Variants in MOXD1 observed in about 807,000 individuals in gnomAD.
MOXD1 encodes DBH-like monooxygenase protein 1.
In MOXD1, 62 loss-of-function variants were observed where a neutral mutation model predicts 66.6. The ratio of observed to expected loss-of-function variants is 0.93; its 90% CI spans 0.76 to 1.15. The LOEUF (loss-of-function observed/expected upper bound fraction) is 1.15. Among genes scored for constraint, MOXD1 ranks in the 50% most tolerant of loss-of-function variants. MOXD1 has a pLI of 0.00. For synonymous variants in MOXD1, 303 were observed against 281.9 expected (o/e 1.07, Z -0.75); for missense variants, 847 against 754.6 (o/e 1.12, Z -1.44).
intron 1 of MOXD1, among the ~76,000 whole-genome samples, chr6:132,382,429 T>C (rs1254138927): frequency 6.6e-6 from 1 of 152,174 alleles, no homozygotes; most frequent in Non-Finnish European, 1.5e-5. Flanking sequence ...CTCTCAGTCA[T>C]ATTCTAATTC....
intron 10 of MOXD1, among the ~76,000 whole-genome samples, chr6:132,307,058 T>G (rs1037696000): frequency 6.6e-6 from 1 of 152,106 alleles, no homozygotes; most frequent in Admixed American, 6.5e-5. Context: ...AGGCCCCAAT[T>G]AAAAGACACA....
At position 132,372,845 on chromosome 6, in the gene MOXD1, A is replaced by G. The variant is rs1168270987; in HGVS notation, c.564T>C (p.Asp188=). The change falls in exon 3 of 12, where the codon GAT becomes GAC. Residue 188 remains aspartate (D), a synonymous_variant. Coordinates refer to ENST00000367963, the MANE Select transcript of MOXD1 (RefSeq NM_015529.4). ...SVLSTALPYF[D]LVNQDVPIPN... ...AAACACTTACGTCCTGATTTACCAG[A>G]TCAAAGTATGGTAAGGCTGTAGATA... 6.7e-5 allele frequency: 108 copies of G among 1,613,878 alleles called. 1 individual carries two copies. Among genetic ancestry groups the G allele is most frequent in the Non-Finnish European group, 8.9e-5 (105 of 1,179,878 alleles).
intron 1 of MOXD1, among the ~76,000 whole-genome samples, chr6:132,385,493 TTATTATTA>T (rs1181086787): frequency 2.3e-4 from 33 of 143,372 alleles, no homozygotes; most frequent in South Asian, 1.6e-3. Flanking sequence ...ATTATTATTA[TTATTATTA>T]GAGACACAGT....
In MOXD1 at chr6:132,320,662, GC is replaced by G; in HGVS notation, c.1331del (p.Arg444ProfsTer10). 6.2e-7 allele frequency: 1 copy of G among 1,610,596 alleles called. No individual in the cohort carries two copies. The highest frequency in any genetic ancestry group is 8.5e-7 in the Non-Finnish European group (1 of 1,178,282). ...LPGDNLITEC[R>X]YNTKDRAEMT... ...TCTCAGCTCTATCTTTCGTGTTGTA[GC>G]GACACTCAGTAATTAGGTTATCTCC... On this transcript the variant is annotated frameshift_variant, in exon 9 of 12. Coordinates refer to ENST00000367963, the MANE Select transcript of MOXD1 (RefSeq NM_015529.4). LOFTEE classifies it high-confidence loss of function.
chr6:132,297,380 C>T (rs1042637523), intron 11 of MOXD1, 63 bp from the exon 12 acceptor site: 13 of 1,531,052 alleles, frequency 8.5e-6, no homozygotes, highest in Non-Finnish European at 1.2e-5. Flanking sequence ...AGTGACCAGG[C>T]CGCTCAGCTG....
intron 4 of MOXD1, among the ~76,000 whole-genome samples, chr6:132,354,585 G>A (rs911281931): frequency 6.6e-6 from 1 of 152,210 alleles, no homozygotes; most frequent in Non-Finnish European, 1.5e-5. Context: ...CTCTGTGAGG[G>A]TTCTTACCTT....
At chr6:132,379,234 G>A (rs1254683263) in intron 1 of MOXD1, among the ~76,000 whole-genome samples, 1 of 151,906 alleles carries the variant, frequency 6.6e-6, no homozygotes, top group East Asian at 1.9e-4. Context: ...ATATGATTTA[G>A]CACATCAAAA....
At chr6:132,301,212 A>G (rs1314197147) in intron 10 of MOXD1, among the ~76,000 whole-genome samples, 2 of 150,110 alleles carry the variant, frequency 1.3e-5, no homozygotes, top group Admixed American at 6.7e-5. Flanking sequence ...ATATATATAT[A>G]TATATATATA....
intron 4 of MOXD1, among the ~76,000 whole-genome samples, chr6:132,358,295 T>C (rs1475399248): frequency 6.6e-6 from 1 of 152,170 alleles, no homozygotes; most frequent in Non-Finnish European, 1.5e-5. Context: ...ATAACACCTA[T>C]GTGTGTAGCA....
At chr6:132,390,915 T>C (rs533387698) in intron 1 of MOXD1, 3 of 151,598 alleles carry the variant, frequency 2.0e-5, no homozygotes, top group Non-Finnish European at 3.0e-5. Flanking sequence ...TTTCATTTTA[T>C]CAATTTGTTT....
chr6:132,343,013 C>T (rs1361458037), intron 4 of MOXD1, among the ~76,000 whole-genome samples: 1 of 152,122 alleles, frequency 6.6e-6, no homozygotes, highest in Non-Finnish European at 1.5e-5. Context: ...ACAAAGGAGA[C>T]AGAACTATGC....
intron 4 of MOXD1, among the ~76,000 whole-genome samples, chr6:132,328,884 C>T (rs1341824055): frequency 6.6e-6 from 1 of 152,022 alleles, no homozygotes; most frequent in Non-Finnish European, 1.5e-5. Flanking sequence ...CTGTCCTTTG[C>T]CCATTCTGCA....
intron 4 of MOXD1, among the ~76,000 whole-genome samples, chr6:132,346,348 A>T (rs893250785): frequency 6.6e-6 from 1 of 152,170 alleles, no homozygotes; most frequent in Non-Finnish European, 1.5e-5. Flanking sequence ...AATTTTAAAT[A>T]AAGTATATTA....
In MOXD1 at chr6:132,387,411, G is replaced by A. The variant is rs781406278; in HGVS notation, c.265-12634C>T. The stretch of plus-strand genomic sequence containing the variant: ...TTTCCTTTTATTATTTAAGAATATC[G>A]CTATCTTTTAAGTCCTCATTATGTA... On this transcript the variant is annotated intron_variant, in intron 1 of 11. Coordinates refer to ENST00000367963, the MANE Select transcript of MOXD1 (RefSeq NM_015529.4). Among the ~76,000 whole-genome samples the A allele has an allele frequency of 2.0e-4, 30 of 150,856 alleles. 1 individual carries two copies. Among genetic ancestry groups the A allele is most frequent in the Admixed American group, 3.3e-4 (5 of 15,012 alleles).
In MOXD1 at chr6:132,372,960, T is replaced by C. The variant is rs762171891; in HGVS notation, c.449A>G (p.Glu150Gly). The C allele has an allele frequency of 6.2e-7, 1 of 1,613,962 alleles. No homozygotes were observed. The highest frequency in any genetic ancestry group is 8.5e-7 in the Non-Finnish European group (1 of 1,179,880). ...TVRVIWAYHH[E>G]DAGEAGPKYH... is the part of the protein sequence containing the mutation. ...CTTGGGACCAGCTTCTCCTGCATCT[T>C]CATGGTGGTAGGCCCAGATCACTCT... The change falls in exon 3 of 12, where the codon GAA becomes GGA. Residue 150 changes from glutamate to glycine, a missense_variant. Coordinates refer to ENST00000367963, the MANE Select transcript of MOXD1 (RefSeq NM_015529.4).
chr6:132,380,884 G>A (rs965087617), intron 1 of MOXD1, among the ~76,000 whole-genome samples: 1 of 152,052 alleles, frequency 6.6e-6, no homozygotes, highest in Non-Finnish European at 1.5e-5. Context: ...ACTGAAATCT[G>A]GGAATGTTGT....
At chr6:132,371,456 C>A (rs1332915473) in intron 4 of MOXD1, among the ~76,000 whole-genome samples, 2 of 152,088 alleles carry the variant, frequency 1.3e-5, no homozygotes, top group African/African-American at 2.4e-5. Flanking sequence ...AGTTATGAAT[C>A]ATTTTGTAAA....
Position 132,374,903 on chromosome 6 carries a change from GC to G in MOXD1, c.265-127del, listed in dbSNP as rs1776347494. 12 of 952,212 alleles carry G rather than the reference GC, an allele frequency of 1.3e-5. No homozygotes were observed. The South Asian group carries it at 2.0e-4, about 16-fold the overall frequency. 59.0% of individuals were successfully genotyped at this position (952,212 alleles called of 1,614,324 possible). A position where few individuals can be genotyped will look rare whatever the true frequency, so the allele number is the denominator to read the frequency against. ...TATAAATCCCGGGAATTTCCAAGGGGCTGGAGTATTCCAACTGGGGAATCAG... is the reference window on the plus strand; with the variant it reads ...TATAAATCCCGGGAATTTCCAAGGGGTGGAGTATTCCAACTGGGGAATCAG... On this transcript the variant is annotated intron_variant, in intron 1 of 11. Transcript: ENST00000367963.
intron 4 of MOXD1, among the ~76,000 whole-genome samples, chr6:132,368,767 A>G (rs1333750054): frequency 6.6e-6 from 1 of 152,098 alleles, no homozygotes; most frequent in Non-Finnish European, 1.5e-5. Flanking sequence ...AGTTATTATA[A>G]GTATGAAATG....
Sources: allele counts gnomAD v4.1 joint callset (sites outside exome capture counted in the v4.1 genomes callset), GRCh38; gene constraint gnomAD v4.1.1; transcripts MANE v1.5; gene names NCBI Gene and HGNC (gene_info 2026-07-23, HGNC 2026-07-21).